Variants in ROR1 observed in about 807,000 individuals in gnomAD.
The protein encoded by ROR1 is ROR family WNT receptor 1, also known as inactive tyrosine-protein kinase transmembrane receptor ROR1.
In ROR1, 19 loss-of-function variants were observed where a neutral mutation model predicts 78.8. The ratio of observed to expected loss-of-function variants is 0.24; its 90% CI spans 0.17 to 0.35. ROR1 has a LOEUF of 0.35. Among genes scored for constraint, ROR1 ranks in the 10% least tolerant of loss-of-function variants. The pLI is 1.00. For missense variants in ROR1, 917 were observed against 1,177.8 expected, an observed-to-expected ratio of 0.78 and a Z score of 3.24; for synonymous variants, 386 against 433.6, an observed-to-expected ratio of 0.89 and a Z score of 1.36.
Position 64,056,213 on chromosome 1 carries a change from A to G in ROR1, c.482+5497A>G, listed in dbSNP as rs114366674. On this transcript the variant is annotated intron_variant, in intron 4 of 8. Coordinates refer to ENST00000371079, the MANE Select transcript of ROR1 (RefSeq NM_005012.4). The stretch of plus-strand genomic sequence containing the variant: ...CCTAGAAATAGAATTCCTGGGTTAT[A>G]TGGTAATTCTATGTTTAACTTTTTG... Among the ~76,000 whole-genome samples, 1,258 of 152,260 alleles carry G rather than the reference A, an allele frequency of 8.3e-3. 7 individuals are homozygous for G. The highest frequency in any genetic ancestry group is 0.014 in the Non-Finnish European group (933 of 68,028).
chr1:63,939,336 A>G (rs1645818022), intron 1 of ROR1, among the ~76,000 whole-genome samples: 1 of 152,174 alleles, frequency 6.6e-6, no homozygotes, highest in African/African-American at 2.4e-5. Context: ...GGTGATCCTA[A>G]TGTGCAGCAA....
chr1:63,882,766 T>C (rs1424068389), intron 1 of ROR1, among the ~76,000 whole-genome samples: 1 of 152,128 alleles, frequency 6.6e-6, no homozygotes, highest in Non-Finnish European at 1.5e-5. Context: ...GTTCTAATCA[T>C]CCTGTCTCCT....
At chr1:64,123,538 T>C (rs1463478277) in intron 4 of ROR1, among the ~76,000 whole-genome samples, 1 of 152,180 alleles carries the variant, frequency 6.6e-6, no homozygotes, top group Non-Finnish European at 1.5e-5. Context: ...TGTTTTCATC[T>C]AATAAAGAAT....
chr1:64,078,684 A>T (rs1647073085), intron 4 of ROR1, among the ~76,000 whole-genome samples: 1 of 152,120 alleles, frequency 6.6e-6, no homozygotes, highest in African/African-American at 2.4e-5. Context: ...TAAGAAGAGA[A>T]CCAAAGACAT....
intron 1 of ROR1, among the ~76,000 whole-genome samples, chr1:63,983,013 T>G (rs1455765098): frequency 1.3e-5 from 2 of 152,208 alleles, no homozygotes; most frequent in Non-Finnish European, 2.9e-5. Context: ...TCTGTAAATG[T>G]TACCTCATGC....
chr1:63,796,207 T>C (rs1644758799), intron 1 of ROR1, among the ~76,000 whole-genome samples: 1 of 152,188 alleles, frequency 6.6e-6, no homozygotes, highest in Non-Finnish European at 1.5e-5. Context: ...GAAAGAGCTC[T>C]GGACTGAAAG....
At position 64,140,245 on chromosome 1, in the gene ROR1, C is replaced by T. The variant is rs146105626; in HGVS notation, c.747C>T (p.Arg249=). 20 of 1,613,874 alleles carry T rather than the reference C, an allele frequency of 1.2e-5. No homozygotes were observed. The highest frequency in any genetic ancestry group is 3.3e-5 in the Admixed American group (2 of 59,982). ...SSVPKPRDLC[R]DECEILENVL... ...TCCCAAAGCCCCGTGACTTGTGTCG[C>T]GATGAATGTGAAATCCTGGAGAATG... Residue 249 remains arginine (R), a synonymous_variant, in exon 6 of 9, where the codon CGC becomes CGT. Transcript: ENST00000371079.
intron 7 of ROR1, among the ~76,000 whole-genome samples, chr1:64,158,237 A>G (rs1328059858): frequency 6.6e-6 from 1 of 152,238 alleles, no homozygotes; most frequent in African/African-American, 2.4e-5. Context: ...TTGGGCTCAT[A>G]TGAAACCATT....
At chr1:64,042,423 G>T (rs1646752010) in intron 2 of ROR1, among the ~76,000 whole-genome samples, 1 of 152,222 alleles carries the variant, frequency 6.6e-6, no homozygotes, top group South Asian at 2.1e-4. Context: ...GCAAGTAAAA[G>T]GTGATGCTCA....
intron 1 of ROR1, among the ~76,000 whole-genome samples, chr1:63,963,728 C>G (rs1314872667): frequency 6.6e-6 from 1 of 152,070 alleles, no homozygotes; most frequent in Admixed American, 6.5e-5. Context: ...AAGTCCTCAC[C>G]AAGAAGATCC....
chr1:63,939,498 T>G (rs546181770), intron 1 of ROR1, among the ~76,000 whole-genome samples: 2 of 152,330 alleles, frequency 1.3e-5, no homozygotes, highest in East Asian at 3.9e-4. Flanking sequence ...CTACATTCTA[T>G]TTTAATGAAA....
chr1:63,843,293 A>G (rs1170975835), intron 1 of ROR1: 3 of 1,376,738 alleles, frequency 2.2e-6, no homozygotes, highest in Non-Finnish European at 3.1e-6. Flanking sequence ...TGTGTAATTC[A>G]TGCTTGATCC....
intron 1 of ROR1, among the ~76,000 whole-genome samples, chr1:63,942,950 C>G (rs1048348393): frequency 6.6e-6 from 1 of 151,824 alleles, no homozygotes; most frequent in South Asian, 2.1e-4. Flanking sequence ...ATTAGCCAGG[C>G]ATGGTGGAGC....
chr1:64,096,287 T>C (rs1647297844), intron 4 of ROR1, among the ~76,000 whole-genome samples: 1 of 152,246 alleles, frequency 6.6e-6, no homozygotes, highest in East Asian at 1.9e-4. Flanking sequence ...GGTTTTTACA[T>C]AGGTAAATGT....
chr1:64,069,767 T>A (rs952037893), intron 4 of ROR1, among the ~76,000 whole-genome samples: 4 of 152,172 alleles, frequency 2.6e-5, no homozygotes, highest in Non-Finnish European at 5.9e-5. Flanking sequence ...CCTGGCCCAG[T>A]CTCCAAGTAG....
At chr1:63,844,773 C>G (rs1367875771) in intron 1 of ROR1, among the ~76,000 whole-genome samples, 1 of 152,050 alleles carries the variant, frequency 6.6e-6, no homozygotes, top group African/African-American at 2.4e-5. Context: ...ATAAAGCAGC[C>G]CCTTCTAGGC....
At chr1:63,804,128 G>A (rs1352169057) in intron 1 of ROR1, among the ~76,000 whole-genome samples, 1 of 152,102 alleles carries the variant, frequency 6.6e-6, no homozygotes, top group African/African-American at 2.4e-5. Flanking sequence ...TCAGGAGGGG[G>A]GCGTCCTGGG....
At chr1:63,816,716 C>T (rs1158254892) in intron 1 of ROR1, among the ~76,000 whole-genome samples, 3 of 152,188 alleles carry the variant, frequency 2.0e-5, no homozygotes, top group African/African-American at 7.2e-5. Flanking sequence ...AAGAGACGGG[C>T]TCAAGTGCTG....
At chr1:63,803,556 G>A (rs1644808952) in intron 1 of ROR1, among the ~76,000 whole-genome samples, 1 of 152,222 alleles carries the variant, frequency 6.6e-6, no homozygotes, top group Admixed American at 6.5e-5. Flanking sequence ...ATGCTGGCGA[G>A]GCTGGTCTTA....
Sources: allele counts gnomAD v4.1 joint callset (sites outside exome capture counted in the v4.1 genomes callset), GRCh38; gene constraint gnomAD v4.1.1; transcripts MANE v1.5; gene names NCBI Gene and HGNC (gene_info 2026-07-23, HGNC 2026-07-21).